The following FIGN variants were observed in gnomAD, a reference collection of about 807,000 sequenced individuals.
FIGN encodes fidgetin.
A neutral mutation model predicts 51.3 loss-of-function variants in FIGN; 11 were observed. That is an observed-to-expected ratio of 0.21 (90% CI 0.13 to 0.35). The LOEUF is 0.35. Ranked by LOEUF, FIGN falls within the 10% of genes least tolerant of loss-of-function variation. The pLI is 1.00. For missense variants in FIGN, 857 were observed against 943.6 expected, an observed-to-expected ratio of 0.91 and a Z score of 1.20; for synonymous variants, 407 against 363.2, an observed-to-expected ratio of 1.12 and a Z score of -1.37.
chr2:163,695,103 T>G (rs1262060389), intron 2 of FIGN, among the ~76,000 whole-genome samples: 1 of 152,222 alleles, frequency 6.6e-6, no homozygotes, highest in Non-Finnish European at 1.5e-5. Context: ...CTGTCAATTT[T>G]CAGAATGTCC....
At chr2:163,648,268 T>C (rs1219911345) in intron 2 of FIGN, among the ~76,000 whole-genome samples, 1 of 152,178 alleles carries the variant, frequency 6.6e-6, no homozygotes, top group Non-Finnish European at 1.5e-5. Flanking sequence ...GTTGCTATTC[T>C]TCTGTTTTGG....
intron 2 of FIGN, among the ~76,000 whole-genome samples, chr2:163,730,377 G>T (rs1013080109): frequency 3.4e-4 from 52 of 152,106 alleles, no homozygotes; most frequent in Admixed American, 3.9e-4. Flanking sequence ...AAAAAAAGAA[G>T]AAAATGACAA....
At chr2:163,618,278 A>G (rs554576146) in intron 2 of FIGN, among the ~76,000 whole-genome samples, 1 of 152,174 alleles carries the variant, frequency 6.6e-6, no homozygotes, top group Non-Finnish European at 1.5e-5. Flanking sequence ...TCAAAATAAG[A>G]TATTCTAATT....
At chr2:163,645,403 G>C (rs928889298) in intron 2 of FIGN, among the ~76,000 whole-genome samples, 3 of 152,138 alleles carry the variant, frequency 2.0e-5, no homozygotes, top group African/African-American at 7.2e-5. Context: ...CTAAGTATTA[G>C]AATGATAATA....
At chr2:163,650,996 CG>C (rs1683465403) in intron 2 of FIGN, among the ~76,000 whole-genome samples, 1 of 152,144 alleles carries the variant, frequency 6.6e-6, no homozygotes, top group African/African-American at 2.4e-5. Flanking sequence ...TGATGATTTT[CG>C]AATTGGGCTC....
chr2:163,714,340 T>A (rs1379025946), intron 2 of FIGN, among the ~76,000 whole-genome samples: 1 of 152,116 alleles, frequency 6.6e-6, no homozygotes, highest in South Asian at 2.1e-4. Flanking sequence ...TGTGTACAAG[T>A]AAGCAGCATG....
At chr2:163,657,046 CA>C (rs1309897375) in intron 2 of FIGN, among the ~76,000 whole-genome samples, 1 of 142,794 alleles carries the variant, frequency 7.0e-6, no homozygotes, top group Non-Finnish European at 1.5e-5. Context: ...TGAAAGCAAA[CA>C]ATAAGAAACC....
At chr2:163,698,653 T>A (rs532964200) in intron 2 of FIGN, among the ~76,000 whole-genome samples, 1 of 152,266 alleles carries the variant, frequency 6.6e-6, no homozygotes, top group East Asian at 1.9e-4. Flanking sequence ...AGTCACTTAA[T>A]GCCACAATTC....
intron 2 of FIGN, among the ~76,000 whole-genome samples, chr2:163,652,586 T>G (rs1239077360): frequency 6.6e-6 from 1 of 152,098 alleles, no homozygotes; most frequent in Non-Finnish European, 1.5e-5. Context: ...ATTTATACAG[T>G]CTAAATTTTT....
In FIGN at chr2:163,719,335, A is replaced by G. The variant is rs185734809; in HGVS notation, c.25+15568T>C. On this transcript the variant is annotated intron_variant, in intron 2 of 2. Transcript: ENST00000333129. ...TTATGGCGGTAAGAAGGGAGACACA[A>G]GGAGAAGGCAGAGAGGAAGCAATCA... Among the ~76,000 whole-genome samples, 11 of 152,302 alleles carry G rather than the reference A, an allele frequency of 7.2e-5. No homozygotes were observed. The East Asian group carries it at 2.1e-3, about 29-fold the overall frequency.
intron 2 of FIGN, among the ~76,000 whole-genome samples, chr2:163,696,342 T>G (rs1467170610): frequency 6.6e-6 from 1 of 152,072 alleles, no homozygotes; most frequent in Non-Finnish European, 1.5e-5. Context: ...GAGTGTTTCC[T>G]GGTACCCCAT....
At chr2:163,666,939 A>G (rs1434791318) in intron 2 of FIGN, among the ~76,000 whole-genome samples, 1 of 152,054 alleles carries the variant, frequency 6.6e-6, no homozygotes, top group African/African-American at 2.4e-5. Flanking sequence ...CAATGGCTAT[A>G]TATTTATGTG....
intron 2 of FIGN, among the ~76,000 whole-genome samples, chr2:163,712,499 G>A (rs1684601812): frequency 6.6e-6 from 1 of 152,080 alleles, no homozygotes; most frequent in Non-Finnish European, 1.5e-5. Flanking sequence ...ATTCTTCCAA[G>A]TACAAAATGT....
chr2:163,642,277 C>A (rs574789461), intron 2 of FIGN, among the ~76,000 whole-genome samples: 3 of 152,172 alleles, frequency 2.0e-5, no homozygotes, highest in African/African-American at 7.2e-5. Context: ...AGTGATTCAA[C>A]GAAAGTAATG....
chr2:163,610,415 T>A lies in FIGN; in HGVS notation c.1417A>T (p.Thr473Ser). 6.2e-7 allele frequency: 1 copy of A among 1,614,128 alleles called. No individual in the cohort carries two copies. The highest frequency in any genetic ancestry group is 8.5e-7 in the Non-Finnish European group (1 of 1,180,024). Residue 473 changes from threonine to serine, a missense_variant, in exon 3 of 3, where the codon ACC becomes TCC. Thr to Ser is a moderately conservative substitution (Grantham distance 58). This residue lies in a region of FIGN where 799 missense variants were observed against 849.5 expected (regional missense o/e 0.94). Coordinates refer to ENST00000333129, the MANE Select transcript of FIGN (RefSeq NM_018086.4). ...NTDTHLIDLV[T>S]NEIITQGPPV... is the part of the protein sequence containing the mutation. ...GGTCCTTGGGTGATAATCTCATTGG[T>A]TACCAGGTCGATGAGGTGCGTGTCA...
chr2:163,609,905 A>G lies in FIGN; in HGVS notation c.1927T>C (p.Tyr643His). The stretch of plus-strand genomic sequence containing the variant: ...GGGATTAAAAGTCGTTTCATGAAGT[A>G]CCTCCGAAGGGATTCATCTATTTCT... ...PEEIDESLRR[Y>H]FMKRLLIPLP... The change falls in exon 3 of 3, where the codon TAC becomes CAC. Residue 643 changes from tyrosine to histidine, a missense_variant. Tyr to His is a moderately conservative substitution (Grantham distance 83). Coordinates refer to ENST00000333129, the MANE Select transcript of FIGN (RefSeq NM_018086.4). The G allele has an allele frequency of 6.2e-7, 1 of 1,614,040 alleles. No individual in the cohort carries two copies. Among genetic ancestry groups the G allele is most frequent in the Non-Finnish European group, 8.5e-7 (1 of 1,180,028 alleles).
rs531888578 is a variant in FIGN at position 163,644,387 on chromosome 2, T to C, written c.26-32581A>G. ...AAATCAAAACCACAATGAAATACCATTTCATACTTCCCAGGAGGGCTAGAA... is the reference window on the plus strand; with the variant it reads ...AAATCAAAACCACAATGAAATACCACTTCATACTTCCCAGGAGGGCTAGAA... On this transcript the variant is annotated intron_variant, in intron 2 of 2. Transcript: ENST00000333129. Among the ~76,000 whole-genome samples, 3 of 152,274 alleles carry C rather than the reference T, an allele frequency of 2.0e-5. No individual in the cohort carries two copies. The East Asian group carries it at 5.8e-4, about 29-fold the overall frequency.
rs191706211 is a variant in FIGN, at chr2:163,660,796, T to C, written c.26-48990A>G. Among the ~76,000 whole-genome samples the C allele has an allele frequency of 3.0e-3, 234 of 79,266 alleles. 20 individuals carry two copies. Among genetic ancestry groups the C allele is most frequent in the Middle Eastern group, 0.01 (2 of 194 alleles). The allele number at this position is 79,266 out of a possible 152,430, so 52.0% of individuals were successfully genotyped here. A position where few individuals can be genotyped will look rare whatever the true frequency, so the allele number is the denominator to read the frequency against. On this transcript the variant is annotated intron_variant, in intron 2 of 2. Transcript: ENST00000333129. Reference sequence around the variant, plus strand: ...ATACACATATACATATATATGTATATAGATATACATATATATACATATACA... The same window carrying C: ...ATACACATATACATATATATGTATACAGATATACATATATATACATATACA...
intron 2 of FIGN, among the ~76,000 whole-genome samples, chr2:163,705,621 T>C (rs1684487516): frequency 6.6e-6 from 1 of 151,822 alleles, no homozygotes; most frequent in Admixed American, 6.6e-5. Context: ...AACTCTATTT[T>C]ATATTGTTTA....
Sources: gnomAD v4.1 joint callset for allele counts (sites outside exome capture counted in the v4.1 genomes callset) on GRCh38, gnomAD v4.1.1 for gene constraint, gnomAD v4.1.1 regional missense constraint, MANE v1.5 for transcripts, NCBI Gene and HGNC (gene_info 2026-07-23, HGNC 2026-07-21) for gene names.